SH3BP2: variants seen among roughly 807,000 people sequenced by gnomAD.
The protein encoded by SH3BP2 is SH3 domain binding protein 2.
SH3BP2 carries 38 observed loss-of-function variants against 56.2 expected under a neutral mutation model. The ratio of observed to expected loss-of-function variants is 0.68; its 90% confidence interval spans 0.52 to 0.89. The LOEUF is 0.89. Ranked by LOEUF, SH3BP2 falls within the 40% of genes least tolerant of loss-of-function variation. The pLI is 0.00. For missense variants in SH3BP2, 748 were observed against 762.6 expected (o/e 0.98, Z 0.23); for synonymous variants, 346 against 316.7 (o/e 1.09, Z -0.98).
At position 2,810,918 on chromosome 4, in the gene SH3BP2, G is replaced by A. The variant is rs1013429560; in HGVS notation, c.-4-9696G>A. Among the ~76,000 whole-genome samples, 1 of 152,204 alleles carries A rather than the reference G, an allele frequency of 6.6e-6. No homozygotes were observed. The highest frequency in any genetic ancestry group is 2.4e-5 in the African/African-American group (1 of 41,458). On this transcript the variant is annotated intron_variant, in intron 1 of 12. Coordinates refer to ENST00000503393, the MANE Select transcript of SH3BP2 (RefSeq NM_001122681.2). The surrounding 1 kb of genome is among the most constrained non-coding windows in gnomAD (Gnocchi z 4.2). Reference sequence around the variant, plus strand: ...GCCCCACTCTGTCCGTGCCCTCCTCGCTGCCCTCTGTCTGTCTGCCTGCTG... The same window carrying A: ...GCCCCACTCTGTCCGTGCCCTCCTCACTGCCCTCTGTCTGTCTGCCTGCTG...
At chr4:2,824,586 C>T in intron 3 of SH3BP2, 27 bp from the exon 4 acceptor site, 1 of 1,564,054 alleles carries the variant, frequency 6.4e-7, no homozygotes, top group Non-Finnish European at 8.8e-7. Flanking sequence ...GTGAACCAGG[C>T]CGTGACCCCT....
intron 1 of SH3BP2, among the ~76,000 whole-genome samples, chr4:2,800,556 C>CA (rs894905870): frequency 6.6e-6 from 1 of 151,670 alleles, no homozygotes; most frequent in Non-Finnish European, 1.5e-5. Context: ...ACCGCCCCCC[C>CA]CCCGGGCTGA....
At chr4:2,807,771 G>T (rs1004466450) in intron 1 of SH3BP2, among the ~76,000 whole-genome samples, 7 of 152,186 alleles carry the variant, frequency 4.6e-5, no homozygotes, top group Non-Finnish European at 1.0e-4. Context: ...AGGGGTGAAC[G>T]CGAGGCCAGG....
rs181544955 is a variant in SH3BP2, at chr4:2,810,906, C to T, written c.-4-9708C>T. Among the ~76,000 whole-genome samples the T allele has an allele frequency of 1.6e-4, 24 of 152,342 alleles. No individual in the cohort carries two copies. Among genetic ancestry groups the T allele is most frequent in the African/African-American group, 5.5e-4 (23 of 41,588 alleles). On this transcript the variant is annotated intron_variant, in intron 1 of 12. Coordinates refer to ENST00000503393, the MANE Select transcript of SH3BP2 (RefSeq NM_001122681.2). The surrounding 1 kb of genome is among the most constrained non-coding windows in gnomAD (Gnocchi z 4.2). ...GAATGGGAAGAGGCCCCACTCTGTC[C>T]GTGCCCTCCTCGCTGCCCTCTGTCT...
intron 1 of SH3BP2, chr4:2,818,594 T>G (rs1200328315): frequency 1.8e-6 from 1 of 546,576 alleles, no homozygotes; most frequent in Non-Finnish European, 2.5e-6. Context: ...CTTGTCGATC[T>G]GCGGGCAGCT....
Position 2,833,046 on chromosome 4 carries a change from GA to G in SH3BP2, c.1547del (p.Lys516ArgfsTer14). 2 of 1,614,120 alleles carry G rather than the reference GA, an allele frequency of 1.2e-6. No homozygotes were observed. Among genetic ancestry groups the G allele is most frequent in the South Asian group, 2.2e-5 (2 of 91,088 alleles). On this transcript the variant is annotated frameshift_variant and splice_region_variant, in exon 12 of 13. Coordinates refer to ENST00000503393, the MANE Select transcript of SH3BP2 (RefSeq NM_001122681.2). LOFTEE classifies it high-confidence loss of function. Reference protein sequence around the residue: ...NKVRNYRIFEKDSKFYLEGEV... With the variant: ...NKVRNYRIFEXDSKFYLEGEV... ...AAGTGAGGAACTATCGCATTTTTGA[GA>G]AGGTGAGAGGGCTCTGAGTGGGACG...
intron 5 of SH3BP2, chr4:2,826,368 TTG>T (rs1240491346): frequency 2.2e-5 from 2 of 90,880 alleles, no homozygotes; most frequent in Non-Finnish European, 2.1e-5. Context: ...TGCTCTGTGT[TTG>T]TGTGTGCATG....
chr4:2,812,594 G>T, intron 1 of SH3BP2: 1 of 1,334,256 alleles, frequency 7.5e-7, no homozygotes, highest in South Asian at 1.5e-5. Flanking sequence ...GGCCGTGGGA[G>T]CCCACAGGAG....
At chr4:2,824,517 G>A in intron 3 of SH3BP2, 96 bp from the exon 4 acceptor site, 4 of 900,670 alleles carry the variant, frequency 4.4e-6, no homozygotes, top group Middle Eastern at 2.1e-4. Flanking sequence ...GTTGGGGCGT[G>A]GTGCTGGTGC....
rs759670540 is a variant in SH3BP2 at position 2,829,724 on chromosome 4, C to G, written c.818C>G (p.Thr273Ser). The G allele has an allele frequency of 3.7e-6, 6 of 1,612,548 alleles. No individual in the cohort carries two copies. The highest frequency in any genetic ancestry group is 1.7e-4 in the Middle Eastern group (1 of 6,060). The change falls in exon 8 of 13, where the codon ACC becomes AGC. Residue 273 changes from threonine to serine, a missense_variant. By Grantham distance (58) the Thr-to-Ser change is moderately conservative. Coordinates refer to ENST00000503393, the MANE Select transcript of SH3BP2 (RefSeq NM_001122681.2). This position sits in a 1 kb window ranked among gnomAD's most constrained non-coding sequence, Gnocchi z 4.9. ...GAGCCTTGCCCCAGGGTACCTGCTACCCCCCGAAGGATGAGCGATCCCCCT... is the reference window on the plus strand; with the variant it reads ...GAGCCTTGCCCCAGGGTACCTGCTAGCCCCCGAAGGATGAGCGATCCCCCT... The part of the protein sequence containing the change: ...RAEPCPRVPA[T>S]PRRMSDPPLS...
At chr4:2,821,050 C>T (rs1241388742) in intron 2 of SH3BP2, among the ~76,000 whole-genome samples, 2 of 152,158 alleles carry the variant, frequency 1.3e-5, no homozygotes, top group Admixed American at 1.3e-4. Flanking sequence ...CTGGTGCTGC[C>T]CTCACTGAAT....
rs1725348690 is a variant in SH3BP2, at chr4:2,839,549, C to T, written c.*5715C>T. ...AATATCTTCTCTAACTCTGGCTTGA[C>T]TGTTTATGGTGTCCTTTTTTTTTGG... On this transcript the variant is annotated 3_prime_UTR_variant, in exon 13 of 13. Transcript: ENST00000503393. The T allele has an allele frequency of 1.3e-5, 2 of 152,098 alleles. No homozygotes were observed. Among genetic ancestry groups the T allele is most frequent in the African/African-American group, 4.8e-5 (2 of 41,482 alleles). The allele number at this position is 152,098 out of a possible 1,614,324, so 9.4% of individuals were successfully genotyped here.
rs1385437568 is a variant in SH3BP2, at chr4:2,834,551, G to A, written c.*717G>A. ...CAGGTCAGGCCAGGGCAGTGCTGCT[G>A]CAGAGCTAGAAGGCCCTGCAGCTAC... On this transcript the variant is annotated 3_prime_UTR_variant, in exon 13 of 13. Coordinates refer to ENST00000503393, the MANE Select transcript of SH3BP2 (RefSeq NM_001122681.2). 6.6e-6 allele frequency: 1 copy of A among 152,396 alleles called. No individual in the cohort carries two copies. Among genetic ancestry groups the A allele is most frequent in the Non-Finnish European group, 1.5e-5 (1 of 68,146 alleles). 9.4% of individuals were successfully genotyped at this position (152,396 alleles called of 1,614,324 possible).
In SH3BP2 at chr4:2,838,023, C is replaced by T. The variant is rs1039989140; in HGVS notation, c.*4189C>T. On this transcript the variant is annotated 3_prime_UTR_variant, in exon 13 of 13. Transcript: ENST00000503393. ...ACCCCTAGGAAGCTTCGCAGGCCTT[C>T]CAGGCTGCCAGACAGCTGCCCTGGC... The T allele has an allele frequency of 3.3e-5, 5 of 152,340 alleles. No homozygotes were observed. The highest frequency in any genetic ancestry group is 6.5e-5 in the Admixed American group (1 of 15,294). The allele number at this position is 152,340 out of a possible 1,614,324, so 9.4% of individuals were successfully genotyped here.
intron 1 of SH3BP2, among the ~76,000 whole-genome samples, chr4:2,819,946 G>A (rs946157219): frequency 6.6e-6 from 1 of 152,192 alleles, no homozygotes; most frequent in Non-Finnish European, 1.5e-5. Context: ...TCCACTGACT[G>A]TGTGGTCCTC....
At chr4:2,823,102 C>A in intron 3 of SH3BP2, 65 bp downstream of exon 3, 1 of 1,160,816 alleles carries the variant, frequency 8.6e-7, no homozygotes, top group Non-Finnish European at 1.3e-6. Context: ...CCAGCAGAGC[C>A]CCAGCTGGGC....
chr4:2,820,582 G>A (rs777373054), intron 1 of SH3BP2, 32 bp from the exon 2 acceptor site: 1 of 1,614,018 alleles, frequency 6.2e-7, no homozygotes, highest in Admixed American at 1.7e-5. Flanking sequence ...CCTGACCGTA[G>A]CTGAGCCACG....
Position 2,829,243 on chromosome 4 carries a change from C to T in SH3BP2, c.587-250C>T, listed in dbSNP as rs1724842502. 6.6e-6 allele frequency among the ~76,000 whole-genome samples: 1 copy of T among 152,022 alleles called. No individual in the cohort carries two copies. The highest frequency in any genetic ancestry group is 2.1e-4 in the South Asian group (1 of 4,816). On this transcript the variant is annotated intron_variant, in intron 7 of 12. Coordinates refer to ENST00000503393, the MANE Select transcript of SH3BP2 (RefSeq NM_001122681.2). This position sits in a 1 kb window ranked among gnomAD's most constrained non-coding sequence, Gnocchi z 4.9. ...GAACCTGATGGGCTCCTCAGGTGTCCTCTAGGCTTCAGGAAGCGTCCACAG... is the reference window on the plus strand; with the variant it reads ...GAACCTGATGGGCTCCTCAGGTGTCTTCTAGGCTTCAGGAAGCGTCCACAG...
chr4:2,807,232 T>C (rs1723572078), intron 1 of SH3BP2, among the ~76,000 whole-genome samples: 1 of 152,234 alleles, frequency 6.6e-6, no homozygotes, highest in Non-Finnish European at 1.5e-5. Context: ...GCGGCCGTGC[T>C]GCACTCCAGT....
Sources: gnomAD v4.1 joint callset for allele counts (sites outside exome capture counted in the v4.1 genomes callset) on GRCh38, gnomAD v4.1.1 for gene constraint, Gnocchi (gnomAD v3.1) non-coding constraint, MANE v1.5 for transcripts, NCBI Gene and HGNC (gene_info 2026-07-23, HGNC 2026-07-21) for gene names.